MAP3K4: variants seen among roughly 807,000 people sequenced by gnomAD.
MAP3K4 encodes the protein MAP three kinase 1.
A neutral mutation model predicts 185.6 loss-of-function variants in MAP3K4; 67 were observed. The ratio of observed to expected loss-of-function variants is 0.36; its 90% confidence interval spans 0.30 to 0.44. MAP3K4 has a LOEUF of 0.44. Ranked by LOEUF, MAP3K4 falls within the 20% of genes least tolerant of loss-of-function variation. The pLI is 1.00. For missense variants in MAP3K4, 1,551 were observed against 1,995.1 expected (o/e 0.78, Z 4.24); for synonymous variants, 702 against 710.4 (o/e 0.99, Z 0.19).
Position 161,064,136 on chromosome 6 carries a change from A to G in MAP3K4, c.1708-6472A>G, listed in dbSNP as rs770264233. Among the ~76,000 whole-genome samples, 1 of 152,196 alleles carries G rather than the reference A, an allele frequency of 6.6e-6. No individual in the cohort carries two copies. The highest frequency in any genetic ancestry group is 1.5e-5 in the Non-Finnish European group (1 of 68,034). ...TCAGTTTGACCTGTACTAAATTGCC[A>G]GTATTTGACCATTTTCAATGAACGA... On this transcript the variant is annotated intron_variant, in intron 3 of 26. Transcript: ENST00000392142. This position sits in a 1 kb window ranked among gnomAD's most constrained non-coding sequence, Gnocchi z 4.3.
In MAP3K4 at chr6:161,098,482, A is replaced by T; in HGVS notation, c.3674+55A>T. ...CTCACCACCCCTTACATGCGCTTAC[A>T]CAGCAACCATAGTGTTAGGGTGTGT... On this transcript the variant is annotated intron_variant, in intron 17 of 26. Coordinates refer to ENST00000392142, the MANE Select transcript of MAP3K4 (RefSeq NM_005922.4). This position sits in a 1 kb window ranked among gnomAD's most constrained non-coding sequence, Gnocchi z 4.4. 1 of 1,560,974 alleles carries T rather than the reference A, an allele frequency of 6.4e-7. No individual in the cohort carries two copies. Among genetic ancestry groups the T allele is most frequent in the Non-Finnish European group, 8.7e-7 (1 of 1,148,808 alleles).
intron 1 of MAP3K4, among the ~76,000 whole-genome samples, chr6:161,023,205 A>T (rs909318261): frequency 4.6e-5 from 7 of 152,072 alleles, no homozygotes; most frequent in Non-Finnish European, 5.9e-5. Context: ...TCCTTTTTTT[A>T]AAATTTATTC....
rs1338010145 is a variant in MAP3K4 at position 161,086,709 on chromosome 6, C to T, written c.2556+42C>T. On this transcript the variant is annotated intron_variant, in intron 9 of 26. Coordinates refer to ENST00000392142, the MANE Select transcript of MAP3K4 (RefSeq NM_005922.4). The surrounding 1 kb of genome is among the most constrained non-coding windows in gnomAD (Gnocchi z 4.8). ...TTGTGATTGAAACATTTTGCCTTTC[C>T]TTCTTTATTCTAAAACAGGCAGACT... is the stretch of plus-strand genomic sequence containing the variant. 2 of 1,517,820 alleles carry T rather than the reference C, an allele frequency of 1.3e-6. No individual in the cohort carries two copies. The allele number at this position is 1,517,820 out of a possible 1,614,324, so 94.0% of individuals were successfully genotyped here.
Position 161,048,805 on chromosome 6 carries a change from C to T in MAP3K4, c.533C>T (p.Ser178Leu), listed in dbSNP as rs1783864517. Residue 178 changes from serine (S) to leucine (L), a missense_variant, in exon 3 of 27, where the codon TCA (serine) becomes TTA (leucine). By Grantham distance (145) the Ser-to-Leu change is moderately radical. Around this residue, in one of 16 missense-constraint regions of MAP3K4, gnomAD observed 287 missense variants for 268.8 expected, o/e 1.07. Transcript: ENST00000392142. This position sits in a 1 kb window ranked among gnomAD's most constrained non-coding sequence, Gnocchi z 4.7. ...GTGGGTGGATCTTTGCCAAAAAAAT[C>T]AATTCCAGATGTGGATCTCAATAAG... Reference protein sequence around the residue: ...DSVGGSLPKKSIPDVDLNKPY... With the variant: ...DSVGGSLPKKLIPDVDLNKPY... 3 of 1,614,000 alleles carry T rather than the reference C, an allele frequency of 1.9e-6. No individual in the cohort carries two copies. Among genetic ancestry groups the T allele is most frequent in the African/African-American group, 1.3e-5 (1 of 74,914 alleles).
In MAP3K4 at chr6:161,056,196, T is replaced by C. The variant is rs1784228455; in HGVS notation, c.1707+6217T>C. Among the ~76,000 whole-genome samples the C allele has an allele frequency of 6.6e-6, 1 of 152,204 alleles. No individual in the cohort carries two copies. Among genetic ancestry groups the C allele is most frequent in the African/African-American group, 2.4e-5 (1 of 41,444 alleles). Reference sequence around the variant, plus strand: ...ATTTGCTTTTTGAATCATTTCTTACTTTCTGGCACCACAAGATGCTCTGGG... The same window carrying C: ...ATTTGCTTTTTGAATCATTTCTTACCTTCTGGCACCACAAGATGCTCTGGG... On this transcript the variant is annotated intron_variant, in intron 3 of 26. Coordinates refer to ENST00000392142, the MANE Select transcript of MAP3K4 (RefSeq NM_005922.4). This position sits in a 1 kb window ranked among gnomAD's most constrained non-coding sequence, Gnocchi z 5.4.
In MAP3K4 at chr6:161,077,388, T is replaced by C. The variant is rs1161016775; in HGVS notation, c.2098-3493T>C. On this transcript the variant is annotated intron_variant, in intron 5 of 26. Coordinates refer to ENST00000392142, the MANE Select transcript of MAP3K4 (RefSeq NM_005922.4). The surrounding 1 kb of genome is among the most constrained non-coding windows in gnomAD (Gnocchi z 4.3). ...ACATTTGTTTATTCTGGGTGATACTTGTAGAATACTTTTTAGAATTTTTTT... is the reference window on the plus strand; with the variant it reads ...ACATTTGTTTATTCTGGGTGATACTCGTAGAATACTTTTTAGAATTTTTTT... 6.6e-6 allele frequency among the ~76,000 whole-genome samples: 1 copy of C among 152,228 alleles called. No homozygotes were observed. The highest frequency in any genetic ancestry group is 2.1e-4 in the South Asian group (1 of 4,830).
At chr6:161,035,830 T>C (rs115480018) in intron 2 of MAP3K4, among the ~76,000 whole-genome samples, 3,414 of 152,294 alleles carry the variant, frequency 0.022, 137 homozygotes, top group African/African-American at 0.079. Context: ...TACACTTGCT[T>C]TTTCTTGTTG....
In MAP3K4 at chr6:161,112,063, T is replaced by G. The variant is rs1173000949; in HGVS notation, c.4519+105T>G. 9 of 1,468,550 alleles carry G rather than the reference T, an allele frequency of 6.1e-6. No individual in the cohort carries two copies. The highest frequency in any genetic ancestry group is 5.5e-6 in the Non-Finnish European group (6 of 1,090,972). The allele number at this position is 1,468,550 out of a possible 1,614,324, so 91.0% of individuals were successfully genotyped here. The stretch of plus-strand genomic sequence containing the variant: ...TTGTCAGTAGAGATGGGAGAGCAGG[T>G]AAAGGTTTTCAGTCGTGAGAAGGAC... On this transcript the variant is annotated intron_variant, in intron 24 of 26. Coordinates refer to ENST00000392142, the MANE Select transcript of MAP3K4 (RefSeq NM_005922.4). This position sits in a 1 kb window ranked among gnomAD's most constrained non-coding sequence, Gnocchi z 5.1.
chr6:161,013,236 G>A (rs1427696524), intron 1 of MAP3K4, among the ~76,000 whole-genome samples: 2 of 152,052 alleles, frequency 1.3e-5, no homozygotes, highest in Admixed American at 6.6e-5. Flanking sequence ...TTTAGGTGGC[G>A]GGACAGTTTT....
intron 19 of MAP3K4, 110 bp downstream of exon 19, chr6:161,102,889 T>A (rs1222049754): frequency 2.3e-5 from 15 of 643,216 alleles, no homozygotes; most frequent in Middle Eastern, 5.5e-4. Context: ...TTATTAGGCC[T>A]CCTCCATTAC....
rs1164266959 is a variant in MAP3K4, at chr6:161,048,611, A to C, written c.344-5A>C. 3.9e-6 allele frequency: 6 copies of C among 1,534,148 alleles called. No individual in the cohort carries two copies. Among genetic ancestry groups the C allele is most frequent in the Non-Finnish European group, 5.3e-6 (6 of 1,142,176 alleles). On this transcript the variant is annotated splice_polypyrimidine_tract_variant and splice_region_variant and intron_variant, in intron 2 of 26. Transcript: ENST00000392142. The surrounding 1 kb of genome is among the most constrained non-coding windows in gnomAD (Gnocchi z 4.7). ...TAATGTTCTGTTTATTTTTTTTTTT[A>C]ATAGAAAAAATGAATGCACCAAATC...
intron 2 of MAP3K4, among the ~76,000 whole-genome samples, chr6:161,042,774 TC>T (rs1213503410): frequency 3.9e-5 from 6 of 152,186 alleles, no homozygotes; most frequent in African/African-American, 1.4e-4. Context: ...CAAAACCCTT[TC>T]CAGGGCATTG....
At chr6:161,012,723 G>C (rs190448159) in intron 1 of MAP3K4, among the ~76,000 whole-genome samples, 1 of 152,064 alleles carries the variant, frequency 6.6e-6, no homozygotes, top group Admixed American at 6.6e-5. Flanking sequence ...GAGAAAAGAC[G>C]TTGTGAAAGA....
At position 161,109,053 on chromosome 6, in the gene MAP3K4, A is replaced by G. The variant is rs757889053; in HGVS notation, c.4236+194A>G. On this transcript the variant is annotated intron_variant, in intron 22 of 26. Coordinates refer to ENST00000392142, the MANE Select transcript of MAP3K4 (RefSeq NM_005922.4). This position sits in a 1 kb window ranked among gnomAD's most constrained non-coding sequence, Gnocchi z 5.7. ...GTTCCTCCTAAAATGTAAGTTGTAG[A>G]CTGTAGTCATTAACCCGACATCATA... The G allele has an allele frequency of 4.7e-6, 7 of 1,497,714 alleles. No individual in the cohort carries two copies. In the Admixed American group the frequency reaches 7.8e-5, roughly 17 times the overall value. The allele number at this position is 1,497,714 out of a possible 1,614,324, so 92.8% of individuals were successfully genotyped here.
chr6:161,072,685 C>T (rs927936775), intron 4 of MAP3K4, among the ~76,000 whole-genome samples: 2 of 152,092 alleles, frequency 1.3e-5, no homozygotes, highest in Non-Finnish European at 2.9e-5. Context: ...TTTCCATTAG[C>T]GGCAGTGAAG....
intron 15 of MAP3K4, among the ~76,000 whole-genome samples, chr6:161,095,162 T>C (rs1479179863): frequency 6.6e-6 from 1 of 152,174 alleles, no homozygotes; most frequent in African/African-American, 2.4e-5. Context: ...TAGCGCTCTC[T>C]GGAGACTCAC....
intron 3 of MAP3K4, among the ~76,000 whole-genome samples, chr6:161,052,977 G>A (rs1784073028): frequency 6.6e-6 from 1 of 152,164 alleles, no homozygotes; most frequent in African/African-American, 2.4e-5. Flanking sequence ...CTCACAAGGT[G>A]GTTGTTGTGA....
At position 161,007,206 on chromosome 6, in the gene MAP3K4, A is replaced by G. The variant is rs73022096; in HGVS notation, c.152+15123A>G. On this transcript the variant is annotated intron_variant, in intron 1 of 26. Coordinates refer to ENST00000392142, the MANE Select transcript of MAP3K4 (RefSeq NM_005922.4). This position sits in a 1 kb window ranked among gnomAD's most constrained non-coding sequence, Gnocchi z 4.5. ...TGGAGTCAACAGGGATCTGAAGGCAAGGTCTTCATCCTGCTTGAGTCCTGG... is the reference window on the plus strand; with the variant it reads ...TGGAGTCAACAGGGATCTGAAGGCAGGGTCTTCATCCTGCTTGAGTCCTGG... Among the ~76,000 whole-genome samples the G allele has an allele frequency of 6.5e-3, 993 of 152,312 alleles. 5 individuals are homozygous for G. The highest frequency in any genetic ancestry group is 0.011 in the Non-Finnish European group (726 of 68,032).
rs144770802 is a variant in MAP3K4 at position 161,071,648 on chromosome 6, G to A, written c.1950+798G>A. 1.5e-4 allele frequency among the ~76,000 whole-genome samples: 23 copies of A among 152,282 alleles called. No homozygotes were observed. Among genetic ancestry groups the A allele is most frequent in the Non-Finnish European group, 2.9e-4 (20 of 68,020 alleles). ...AGTAGGTACAAAATAGGATTTGTTTGTTTAATTAGGAGTAGAATAGAATGA... is the reference window on the plus strand; with the variant it reads ...AGTAGGTACAAAATAGGATTTGTTTATTTAATTAGGAGTAGAATAGAATGA... On this transcript the variant is annotated intron_variant, in intron 4 of 26. Transcript: ENST00000392142. The surrounding 1 kb of genome is among the most constrained non-coding windows in gnomAD (Gnocchi z 4.6).
Sources: gnomAD v4.1 joint callset for allele counts (sites outside exome capture counted in the v4.1 genomes callset) on GRCh38, gnomAD v4.1.1 for gene constraint, gnomAD v4.1.1 regional missense constraint, Gnocchi (gnomAD v3.1) non-coding constraint, MANE v1.5 for transcripts, NCBI Gene and HGNC (gene_info 2026-07-23, HGNC 2026-07-21) for gene names.